Variants in IGF2R observed in about 807,000 individuals in gnomAD.
IGF2R encodes cation-independent mannose-6-phosphate receptor.
A neutral mutation model predicts 270.6 loss-of-function variants in IGF2R; 91 were observed. The ratio of observed to expected loss-of-function variants is 0.34; its 90% CI spans 0.28 to 0.40. The LOEUF is 0.40. IGF2R is among the 10% of genes least tolerant of loss of function. The pLI is 1.00. For synonymous variants in IGF2R, 1,316 were observed against 1,258.9 expected (o/e 1.05, Z -0.96); for missense variants, 2,805 against 3,188.3 (o/e 0.88, Z 2.90).
chr6:159,986,332 A>T (rs897381532), intron 1 of IGF2R, among the ~76,000 whole-genome samples: 1 of 150,994 alleles, frequency 6.6e-6, no homozygotes, highest in African/African-American at 2.4e-5. Flanking sequence ...CCTGGATTCA[A>T]GCTATTCTCG....
In IGF2R at chr6:160,061,666, T is replaced by C. The variant is rs1400440171; in HGVS notation, c.3406+20T>C. ...GCCAGGGTGAGTTCTCCTTGGTCTC[T>C]TGATTGGCGTCTGTTCATTTTATTA... On this transcript the variant is annotated intron_variant, in intron 24 of 47. Transcript: ENST00000356956. 6.2e-7 allele frequency: 1 copy of C among 1,614,052 alleles called. No individual in the cohort carries two copies. Among genetic ancestry groups the C allele is most frequent in the East Asian group, 2.2e-5 (1 of 44,890 alleles).
intron 19 of IGF2R, among the ~76,000 whole-genome samples, chr6:160,053,278 G>A (rs57905622): frequency 1.3e-5 from 2 of 152,152 alleles, no homozygotes; most frequent in Admixed American, 6.5e-5. Context: ...TGGGGGCTGG[G>A]GGGGAGGGAT....
intron 1 of IGF2R, among the ~76,000 whole-genome samples, chr6:159,971,444 G>A (rs1783607284): frequency 3.9e-5 from 6 of 152,206 alleles, no homozygotes; most frequent in Admixed American, 3.9e-4. Context: ...TCTGCCCTTT[G>A]TAGTCTTAGA....
intron 4 of IGF2R, among the ~76,000 whole-genome samples, chr6:160,024,210 G>A (rs1014747256): frequency 6.6e-6 from 1 of 152,018 alleles, no homozygotes; most frequent in Non-Finnish European, 1.5e-5. Context: ...AAGAAATTTT[G>A]CTCTAAGTTG....
rs1333640191 is a variant in IGF2R at position 160,084,637 on chromosome 6, T to C, written c.6069-358T>C. On this transcript the variant is annotated intron_variant, in intron 40 of 47. Transcript: ENST00000356956. The surrounding 1 kb of genome is among the most constrained non-coding windows in gnomAD (Gnocchi z 4.6). ...AAGACATCACCGAGGAGCAGGGGCA[T>C]GGACTCACAGGGTTTAAGTGGTTCT... Among the ~76,000 whole-genome samples, 3 of 152,110 alleles carry C rather than the reference T, an allele frequency of 2.0e-5. No individual in the cohort carries two copies. Among genetic ancestry groups the C allele is most frequent in the Admixed American group, 1.3e-4 (2 of 15,270 alleles).
At chr6:160,093,199 C>T (rs1779269535) in intron 44 of IGF2R, 1 of 169,128 alleles carries the variant, frequency 5.9e-6, no homozygotes, top group Non-Finnish European at 1.3e-5. Flanking sequence ...TATCATCAGC[C>T]GGAGGTGCTT....
rs766496292 is a variant in IGF2R at position 160,033,058 on chromosome 6, G to A, written c.1162G>A (p.Asp388Asn). The A allele has an allele frequency of 1.7e-5, 28 of 1,613,072 alleles. No homozygotes were observed. The highest frequency in any genetic ancestry group is 3.3e-4 in the Middle Eastern group (2 of 6,082). ...QAAVCQVKKS[D>N]TSQVKAAGRY... Reference sequence around the variant, plus strand: ...TGCAGTTTGCCAAGTGAAAAAGAGCGATACCTCTCAAGTCAAAGCAGCAGG... The same window carrying A: ...TGCAGTTTGCCAAGTGAAAAAGAGCAATACCTCTCAAGTCAAAGCAGCAGG... Residue 388 changes from aspartate to asparagine, a missense_variant, in exon 9 of 48, where the codon GAT (aspartate) becomes AAT (asparagine). Physicochemically the swap from Asp to Asn is conservative, Grantham distance 23. Coordinates refer to ENST00000356956, the MANE Select transcript of IGF2R (RefSeq NM_000876.4).
At chr6:160,000,785 G>T (rs903642547) in intron 2 of IGF2R, among the ~76,000 whole-genome samples, 1 of 143,140 alleles carries the variant, frequency 7.0e-6, no homozygotes, top group Admixed American at 7.2e-5. Context: ...GCCCAGGCCG[G>T]AGTGCAGTGG....
At chr6:160,019,488 T>C (rs1221375708) in intron 4 of IGF2R, among the ~76,000 whole-genome samples, 1 of 152,144 alleles carries the variant, frequency 6.6e-6, no homozygotes, top group Non-Finnish European at 1.5e-5. Context: ...ATTATCCTGA[T>C]AACCAAAGCC....
At chr6:160,016,831 A>G (rs761121657) in intron 4 of IGF2R, among the ~76,000 whole-genome samples, 2 of 152,256 alleles carry the variant, frequency 1.3e-5, no homozygotes, top group Admixed American at 6.5e-5. Context: ...AAACTATGCA[A>G]CATACATTAT....
chr6:160,014,169 A>AT (rs759323900), intron 4 of IGF2R, among the ~76,000 whole-genome samples: 11 of 152,208 alleles, frequency 7.2e-5, no homozygotes, highest in Admixed American at 1.3e-4. Flanking sequence ...GCATTGTGTA[A>AT]ATATACCTCC....
In IGF2R at chr6:160,032,535, A is replaced by G; in HGVS notation, c.883-16A>G. Reference sequence around the variant, plus strand: ...AAACATTTTTTATTTTGCTTCTTTCACATTGTTCCTGATAGGGCACCATTC... The same window carrying G: ...AAACATTTTTTATTTTGCTTCTTTCGCATTGTTCCTGATAGGGCACCATTC... On this transcript the variant is annotated splice_polypyrimidine_tract_variant and intron_variant, in intron 7 of 47. Transcript: ENST00000356956. The G allele has an allele frequency of 1.2e-6, 2 of 1,607,718 alleles. No homozygotes were observed. The highest frequency in any genetic ancestry group is 1.7e-6 in the Non-Finnish European group (2 of 1,176,060).
At chr6:160,062,658 A>G (rs1778466453) in intron 26 of IGF2R, 39 bp downstream of exon 26, 4 of 1,436,362 alleles carry the variant, frequency 2.8e-6, no homozygotes, top group African/African-American at 1.4e-5. Context: ...TTTTAAATGT[A>G]TAGAGTAGCA....
chr6:160,036,778 AAAAG>A (rs1167952007), intron 10 of IGF2R, among the ~76,000 whole-genome samples: 3 of 152,156 alleles, frequency 2.0e-5, no homozygotes, highest in Non-Finnish European at 4.4e-5. Context: ...ATAGAAAAAA[AAAAG>A]AAGACCCGCA....
Position 160,048,513 on chromosome 6 carries a change from G to C in IGF2R, c.2484G>C (p.Ser828=). The change falls in exon 18 of 48, where the codon TCG becomes TCC. Residue 828 remains serine (S), a synonymous_variant. Transcript: ENST00000356956. Reference sequence around the variant, plus strand: ...TGCCGGGCTGCAACCGATATGCATCGGCTTGCCAGATGAAGTATGAAAAAG... The same window carrying C: ...TGCCGGGCTGCAACCGATATGCATCCGCTTGCCAGATGAAGTATGAAAAAG... The part of the protein sequence containing the change: ...NPVPGCNRYA[S]ACQMKYEKDQ... 1 of 1,613,812 alleles carries C rather than the reference G, an allele frequency of 6.2e-7. No individual in the cohort carries two copies. The highest frequency in any genetic ancestry group is 8.5e-7 in the Non-Finnish European group (1 of 1,179,922).
At position 160,085,101 on chromosome 6, in the gene IGF2R, C is replaced by T. The variant is rs1199912740; in HGVS notation, c.6175C>T (p.Leu2059Phe). 1 of 1,613,730 alleles carries T rather than the reference C, an allele frequency of 6.2e-7. No homozygotes were observed. The highest frequency in any genetic ancestry group is 1.3e-5 in the African/African-American group (1 of 74,906). Residue 2059 changes from leucine (L) to phenylalanine (F), a missense_variant, in exon 41 of 48, where the codon CTC becomes TTC. Coordinates refer to ENST00000356956, the MANE Select transcript of IGF2R (RefSeq NM_000876.4). ...AACTGGTGACGTCCAGGTCCTGGGA[C>T]TCGTTCACACGCAGAAGCTGGGTGT... ...TTTGDVQVLG[L>F]VHTQKLGVIG...
At chr6:160,052,765 CA>C (rs1778227585) in intron 19 of IGF2R, among the ~76,000 whole-genome samples, 1 of 152,150 alleles carries the variant, frequency 6.6e-6, no homozygotes, top group African/African-American at 2.4e-5. Context: ...ACAGAGTCCT[CA>C]GAAATAACAC....
At chr6:160,079,434 C>A (rs558904253) in intron 37 of IGF2R, 146 bp from the exon 38 acceptor site, 2 of 503,110 alleles carry the variant, frequency 4.0e-6, no homozygotes, top group Non-Finnish European at 6.3e-6. Flanking sequence ...AGGGCCAAGG[C>A]GATTGCGTGG....
intron 2 of IGF2R, among the ~76,000 whole-genome samples, chr6:160,000,883 C>T (rs546639224): frequency 3.3e-5 from 5 of 151,982 alleles, no homozygotes; most frequent in African/African-American, 1.2e-4. Context: ...TTACGGGCAC[C>T]ACCATGTCCG....
Sources: gnomAD v4.1 joint callset for allele counts (sites outside exome capture counted in the v4.1 genomes callset) on GRCh38, gnomAD v4.1.1 for gene constraint, Gnocchi (gnomAD v3.1) non-coding constraint, MANE v1.5 for transcripts, NCBI Gene and HGNC (gene_info 2026-07-23, HGNC 2026-07-21) for gene names.